Variants in CDH4 observed in about 807,000 individuals in gnomAD.
CDH4 encodes cadherin-4.
Under a neutral mutation model 86.0 loss-of-function variants are expected in CDH4, and 33 were observed. The observed-to-expected ratio is 0.38, with a 90% CI of 0.29 to 0.51. CDH4 has a LOEUF of 0.51. CDH4 is among the 20% of genes least tolerant of loss of function. The pLI is 0.86. For synonymous variants in CDH4, 555 were observed against 549.4 expected (o/e 1.01, Z -0.14); for missense variants, 1,114 against 1,307.4 (o/e 0.85, Z 2.28).
intron 2 of CDH4, among the ~76,000 whole-genome samples, chr20:61,646,714 G>A (rs1355887208): frequency 1.3e-5 from 2 of 152,240 alleles, no homozygotes; most frequent in Non-Finnish European, 2.9e-5. Flanking sequence ...GCCTCCCTGA[G>A]TCCCAGACAC....
intron 2 of CDH4, among the ~76,000 whole-genome samples, chr20:61,670,479 A>G (rs904000972): frequency 1.3e-5 from 2 of 152,172 alleles, no homozygotes; most frequent in Admixed American, 1.3e-4. Flanking sequence ...TGATGGAGCC[A>G]AGGGTGAAGT....
chr20:61,585,757 AGAT>A (rs36213070), intron 2 of CDH4, among the ~76,000 whole-genome samples: 8 of 26,710 alleles, frequency 3.0e-4, no homozygotes, highest in Non-Finnish European at 4.7e-4. Flanking sequence ...ATGGTGATGA[AGAT>A]GATGATGATG....
At chr20:61,839,486 TTG>T (rs1319489623) in intron 4 of CDH4, among the ~76,000 whole-genome samples, 1 of 150,814 alleles carries the variant, frequency 6.6e-6, no homozygotes, top group Non-Finnish European at 1.5e-5. Flanking sequence ...GTATGTGTGT[TTG>T]TGTATATGTG....
intron 15 of CDH4, among the ~76,000 whole-genome samples, chr20:61,935,494 A>G (rs1354372281): frequency 6.6e-6 from 1 of 152,028 alleles, no homozygotes; most frequent in Non-Finnish European, 1.5e-5. Context: ...GCGGTGGCTC[A>G]GGCCTGTCAT....
At chr20:61,467,480 G>A (rs529890790) in intron 2 of CDH4, among the ~76,000 whole-genome samples, 7 of 152,140 alleles carry the variant, frequency 4.6e-5, no homozygotes, top group African/African-American at 1.4e-4. Context: ...CAGTACAATA[G>A]GCATGGTGGC....
chr20:61,597,213 G>A (rs1192910008), intron 2 of CDH4, among the ~76,000 whole-genome samples: 3 of 152,206 alleles, frequency 2.0e-5, no homozygotes, highest in Admixed American at 6.5e-5. Flanking sequence ...TTTGTTGGTC[G>A]TCCAAGTTCA....
At chr20:61,832,443 A>C (rs937419326) in intron 4 of CDH4, among the ~76,000 whole-genome samples, 2 of 152,198 alleles carry the variant, frequency 1.3e-5, no homozygotes, top group African/African-American at 4.8e-5. Context: ...TCATTTTCAC[A>C]CTGCTGTAAA....
intron 9 of CDH4, among the ~76,000 whole-genome samples, chr20:61,914,047 C>T (rs936703366): frequency 1.3e-5 from 2 of 152,288 alleles, no homozygotes; most frequent in East Asian, 3.9e-4. Flanking sequence ...ATGAGTGCTG[C>T]CTGCGAGCCA....
intron 2 of CDH4, among the ~76,000 whole-genome samples, chr20:61,628,547 CAGG>C (rs2086853774): frequency 6.6e-6 from 1 of 152,214 alleles, no homozygotes; most frequent in Non-Finnish European, 1.5e-5. Flanking sequence ...CCTGCCCTGC[CAGG>C]AGGTCAGGTG....
intron 2 of CDH4, among the ~76,000 whole-genome samples, chr20:61,282,808 A>G (rs1037998751): frequency 6.6e-5 from 10 of 152,072 alleles, no homozygotes; most frequent in African/African-American, 2.4e-4. Flanking sequence ...AGAGTGGTGC[A>G]TGGCTGTGGT....
chr20:61,584,825 C>T (rs529024491), intron 2 of CDH4, among the ~76,000 whole-genome samples: 12 of 150,890 alleles, frequency 8.0e-5, no homozygotes, highest in African/African-American at 2.2e-4. Context: ...GGCTAACGCA[C>T]GGGGCGCGCT....
Position 61,657,302 on chromosome 20 carries a change from G to A in CDH4, c.170-86261G>A, listed in dbSNP as rs573729176. ...CTCCTACATGCTCTGAATTACGTAC[G>A]CAGAAGGAGGCTCTGCTCCCCAAAC... On this transcript the variant is annotated intron_variant, in intron 2 of 15. Coordinates refer to ENST00000614565, the MANE Select transcript of CDH4 (RefSeq NM_001794.5). Among the ~76,000 whole-genome samples the A allele has an allele frequency of 4.6e-5, 7 of 152,298 alleles. 1 individual carries two copies. In the East Asian group the frequency reaches 5.8e-4, roughly 13 times the overall value.
intron 6 of CDH4, among the ~76,000 whole-genome samples, chr20:61,870,224 G>A (rs16985676): frequency 0.074 from 11,227 of 152,186 alleles, 708 homozygotes; most frequent in East Asian, 0.18. Flanking sequence ...TGACTGGCCC[G>A]AGTTCCTGCA....
At chr20:61,729,839 C>T (rs964628100) in intron 2 of CDH4, among the ~76,000 whole-genome samples, 3 of 152,144 alleles carry the variant, frequency 2.0e-5, no homozygotes, top group Non-Finnish European at 2.9e-5. Flanking sequence ...CAGAGGGAGA[C>T]GCAAGTTTAA....
intron 2 of CDH4, among the ~76,000 whole-genome samples, chr20:61,722,782 A>G (rs918386182): frequency 6.6e-6 from 1 of 152,190 alleles, no homozygotes; most frequent in Non-Finnish European, 1.5e-5. Context: ...AATGCCTTTC[A>G]TCCAAGGAAA....
At chr20:61,565,222 AGGTGG>A (rs2086268626) in intron 2 of CDH4, among the ~76,000 whole-genome samples, 1 of 10,708 alleles carries the variant, frequency 9.3e-5, no homozygotes, top group Non-Finnish European at 1.6e-4. Flanking sequence ...TCTCGGTGGT[AGGTGG>A]TGGTGGTGGT....
intron 2 of CDH4, among the ~76,000 whole-genome samples, chr20:61,262,381 G>A (rs2084132603): frequency 2.7e-5 from 4 of 148,844 alleles, no homozygotes; most frequent in Non-Finnish European, 6.0e-5. Context: ...TGCTTTCCGA[G>A]GTTCACGTGG....
intron 2 of CDH4, among the ~76,000 whole-genome samples, chr20:61,583,460 TTCTGTGC>T (rs2086447209): frequency 6.6e-6 from 1 of 152,028 alleles, no homozygotes; most frequent in African/African-American, 2.4e-5. Context: ...CACACACGCG[TTCTGTGC>T]AGACCATTCC....
intron 9 of CDH4, among the ~76,000 whole-genome samples, chr20:61,912,171 G>C (rs1029246461): frequency 6.6e-6 from 1 of 152,118 alleles, no homozygotes; most frequent in Non-Finnish European, 1.5e-5. Flanking sequence ...CTTTATTAAG[G>C]GACCTTCCCA....
Sources: gnomAD v4.1 joint callset for allele counts (sites outside exome capture counted in the v4.1 genomes callset) on GRCh38, gnomAD v4.1.1 for gene constraint, MANE v1.5 for transcripts, NCBI Gene and HGNC (gene_info 2026-07-23, HGNC 2026-07-21) for gene names.